The following WDR19 variants were observed in gnomAD, a reference collection of about 807,000 sequenced individuals.
WDR19 encodes the protein WD repeat-containing protein 19.
WDR19 carries 121 observed loss-of-function variants against 180.0 expected under a neutral mutation model. That is an observed-to-expected ratio of 0.67 (90% CI 0.58 to 0.78). The LOEUF (loss-of-function observed/expected upper bound fraction) is 0.78, where lower values mean the gene tolerates loss of function less well. Ranked by LOEUF, WDR19 falls within the 30% of genes least tolerant of loss-of-function variation. WDR19 has a pLI of 0.00. For synonymous variants in WDR19, 497 were observed against 540.7 expected (o/e 0.92, Z 1.12); for missense variants, 1,450 against 1,640.7 (o/e 0.88, Z 2.01).
intron 5 of WDR19, among the ~76,000 whole-genome samples, chr4:39,195,378 A>C (rs199862584): frequency 0.016 from 1,847 of 111,994 alleles, 68 homozygotes; most frequent in African/African-American, 0.059. Context: ...AAAAAAAAAA[A>C]CAAAAAAACA....
At chr4:39,265,762 C>G (rs528337269) in intron 28 of WDR19, among the ~76,000 whole-genome samples, 2 of 120,882 alleles carry the variant, frequency 1.7e-5, no homozygotes, top group Non-Finnish European at 3.4e-5. Context: ...CAGAGCAAGA[C>G]TCTGTCTCAA....
At chr4:39,269,858 C>T (rs1198414633) in intron 30 of WDR19, 118 bp from the exon 31 acceptor site, 3 of 1,307,460 alleles carry the variant, frequency 2.3e-6, no homozygotes, top group Non-Finnish European at 2.1e-6. Context: ...TTGAATAAGA[C>T]ATTATTAAGA....
chr4:39,276,888 C>T, intron 33 of WDR19, 132 bp from the exon 34 acceptor site: 3 of 1,122,120 alleles, frequency 2.7e-6, no homozygotes, highest in Non-Finnish European at 3.9e-6. Flanking sequence ...TTGTAAGTAT[C>T]TCTCTAAGCC....
chr4:39,239,273 G>T (rs893621215), intron 20 of WDR19, among the ~76,000 whole-genome samples: 2 of 152,020 alleles, frequency 1.3e-5, no homozygotes, highest in Admixed American at 1.3e-4. Flanking sequence ...ACCGTGCCTG[G>T]CCCGGGAATA....
intron 24 of WDR19, among the ~76,000 whole-genome samples, chr4:39,252,285 AC>A (rs1340387636): frequency 1.4e-5 from 2 of 146,764 alleles, no homozygotes; most frequent in Non-Finnish European, 3.0e-5. Context: ...TCATGTTCTC[AC>A]TCATAGGTGG....
intron 20 of WDR19, among the ~76,000 whole-genome samples, chr4:39,236,278 C>T (rs1242976603): frequency 6.7e-6 from 1 of 149,508 alleles, no homozygotes; most frequent in Non-Finnish European, 1.5e-5. Context: ...ATGTGGTATA[C>T]ACACACACAC....
Position 39,267,995 on chromosome 4 carries a change from G to C in WDR19, c.3262G>C (p.Asp1088His). ...GTTTCTATAATGGTTTATGTGTCAG[G>C]ATGCCAAGTACCTGTTCCGCTTGTA... ...LLGENDGMPK[D>H]AKYLFRLYMA... Residue 1088 changes from aspartate to histidine, a missense_variant and splice_region_variant, in exon 30 of 37, where the codon GAT becomes CAT. By Grantham distance (81) the Asp-to-His change is moderately conservative. Coordinates refer to ENST00000399820, the MANE Select transcript of WDR19 (RefSeq NM_025132.4). 1 of 1,599,126 alleles carries C rather than the reference G, an allele frequency of 6.3e-7. No homozygotes were observed. The highest frequency in any genetic ancestry group is 8.5e-7 in the Non-Finnish European group (1 of 1,172,470).
intron 28 of WDR19, among the ~76,000 whole-genome samples, chr4:39,265,095 T>G (rs1192992507): frequency 6.6e-6 from 1 of 151,804 alleles, no homozygotes; most frequent in African/African-American, 2.4e-5. Context: ...ATTTTTGTAT[T>G]TTTAGGAGAG....
chr4:39,271,838 T>C (rs754078727), intron 31 of WDR19, among the ~76,000 whole-genome samples: 14 of 152,370 alleles, frequency 9.2e-5, no homozygotes, highest in South Asian at 2.1e-4. Context: ...AGAACTATTC[T>C]ATACTGTACT....
Position 39,218,030 on chromosome 4 carries a change from T to C in WDR19, c.1404T>C (p.Leu468=). ...CTCAAGAAGAACGTGAGACTCGGCT[T>C]TTCCCAGCAGTGGATGATAAGTGCC... The part of the protein sequence containing the change: ...LDAQEERETR[L]FPAVDDKCRI... Residue 468 remains leucine (L), a synonymous_variant, in exon 14 of 37, where the codon CTT becomes CTC. Transcript: ENST00000399820. 1 of 1,613,966 alleles carries C rather than the reference T, an allele frequency of 6.2e-7. No homozygotes were observed. Among genetic ancestry groups the C allele is most frequent in the South Asian group, 1.1e-5 (1 of 91,076 alleles).
At chr4:39,267,865 C>A in intron 29 of WDR19, 130 bp from the exon 30 acceptor site, 1 of 800,400 alleles carries the variant, frequency 1.2e-6, no homozygotes. Context: ...ATTCTTTATT[C>A]ATTGAGTTTT....
chr4:39,253,778 CAAA>C (rs757733793), intron 25 of WDR19, 125 bp from the exon 26 acceptor site: 865 of 553,174 alleles, frequency 1.6e-3, no homozygotes, highest in South Asian at 2.4e-3. Flanking sequence ...GACTCCATCT[CAAA>C]AAAAAAAAAA....
At chr4:39,277,712 G>A (rs1398010338) in intron 34 of WDR19, among the ~76,000 whole-genome samples, 1 of 152,098 alleles carries the variant, frequency 6.6e-6, no homozygotes, top group Admixed American at 6.6e-5. Context: ...AAATAGCAAT[G>A]ATTTTATAAT....
chr4:39,208,626 A>T (rs1240359186), intron 9 of WDR19, among the ~76,000 whole-genome samples: 2 of 152,128 alleles, frequency 1.3e-5, no homozygotes, highest in Non-Finnish European at 2.9e-5. Flanking sequence ...TAATGACCCT[A>T]TTAAAAGGGT....
chr4:39,228,438 GTGCTGAGT>G, intron 16 of WDR19, 40 bp from the exon 17 acceptor site: 1 of 1,605,262 alleles, frequency 6.2e-7, no homozygotes, highest in Non-Finnish European at 8.5e-7. Flanking sequence ...TCTGATGTTT[GTGCTGAGT>G]ATTAGCTTTC....
chr4:39,213,644 T>C (rs1191146955), intron 9 of WDR19, among the ~76,000 whole-genome samples: 1 of 152,246 alleles, frequency 6.6e-6, no homozygotes, highest in Non-Finnish European at 1.5e-5. Flanking sequence ...GTCATGGAAC[T>C]ATCTATATCC....
intron 29 of WDR19, 146 bp from the exon 30 acceptor site, chr4:39,267,849 A>T (rs998554131): frequency 3.0e-5 from 22 of 724,386 alleles, no homozygotes; most frequent in Non-Finnish European, 4.8e-5. Flanking sequence ...TTTAATAAAT[A>T]AACGAATTCT....
chr4:39,202,219 C>T (rs2109291486), intron 6 of WDR19, among the ~76,000 whole-genome samples: 1 of 152,234 alleles, frequency 6.6e-6, no homozygotes, highest in South Asian at 2.1e-4. Context: ...CACTCTGCAA[C>T]CTTTTGGATG....
Position 39,231,845 on chromosome 4 carries a change from C to G in WDR19, c.2031C>G (p.Ala677=), listed in dbSNP as rs375116052. The G allele has an allele frequency of 2.5e-6, 4 of 1,604,880 alleles. No homozygotes were observed. Among genetic ancestry groups the G allele is most frequent in the Non-Finnish European group, 3.4e-6 (4 of 1,172,656 alleles). ...GCAGGATTCTGAATGATGAGGCTGCCTGGAATGAGTTGGCCAGAGCTTGTC... is the reference window on the plus strand; with the variant it reads ...GCAGGATTCTGAATGATGAGGCTGCGTGGAATGAGTTGGCCAGAGCTTGTC... ...EMCRILNDEA[A]WNELARACLH... Residue 677 remains alanine (A), a synonymous_variant, in exon 18 of 37, where the codon GCC becomes GCG. Coordinates refer to ENST00000399820, the MANE Select transcript of WDR19 (RefSeq NM_025132.4).
Sources: allele counts gnomAD v4.1 joint callset (sites outside exome capture counted in the v4.1 genomes callset), GRCh38; gene constraint gnomAD v4.1.1; transcripts MANE v1.5; gene names NCBI Gene and HGNC (gene_info 2026-07-23, HGNC 2026-07-21).